PRDM8: variants seen among roughly 807,000 people sequenced by gnomAD.
PRDM8 encodes PR domain zinc finger protein 8.
A neutral mutation model predicts 46.5 loss-of-function variants in PRDM8; 13 were observed. The ratio of observed to expected loss-of-function variants is 0.28; its 90% CI spans 0.18 to 0.44. PRDM8 has a LOEUF of 0.44. Among genes scored for constraint, PRDM8 ranks in the 20% least tolerant of loss-of-function variants. The pLI is 1.00. For synonymous variants in PRDM8, 473 were observed against 438.4 expected, an observed-to-expected ratio of 1.08 and a Z score of -0.98; for missense variants, 998 against 955.0, an observed-to-expected ratio of 1.04 and a Z score of -0.59.
intron 1 of PRDM8, among the ~76,000 whole-genome samples, chr4:80,186,806 C>T (rs550875513): frequency 6.6e-6 from 1 of 152,332 alleles, no homozygotes; most frequent in African/African-American, 2.4e-5. Context: ...GGCCTTTCTT[C>T]TGCTGTCTCT....
chr4:80,189,047 G>T (rs1052087151), intron 1 of PRDM8, among the ~76,000 whole-genome samples: 12 of 152,234 alleles, frequency 7.9e-5, no homozygotes, highest in Admixed American at 4.6e-4. Context: ...CCATCCACCC[G>T]GTCCGCATCT....
chr4:80,190,618 A>T (rs1336790873), intron 1 of PRDM8, among the ~76,000 whole-genome samples: 1 of 152,158 alleles, frequency 6.6e-6, no homozygotes, highest in African/African-American at 2.4e-5. Context: ...GCCAACATTG[A>T]AGTCCGTGAT....
chr4:80,194,194 T>G, upstream of PRDM8: 1 of 982,030 alleles, frequency 1.0e-6, no homozygotes, highest in Non-Finnish European at 1.2e-6. Flanking sequence ...TTCCTACATG[T>G]GTATTTTTGC....
chr4:80,203,669 CCCCCCCAA>C lies in PRDM8; in HGVS notation c.*139_*146del. ...GACACATACATTCACCGCCCCCCCGCCCCCCCAACGCGCACACACACGTCCTCTCCTCC... is the reference window on the plus strand; with the variant it reads ...GACACATACATTCACCGCCCCCCCGCCGCGCACACACACGTCCTCTCCTCC... On this transcript the variant is annotated 3_prime_UTR_variant, in exon 4 of 4. Coordinates refer to ENST00000415738, the MANE Select transcript of PRDM8 (RefSeq NM_001099403.2). 1 of 1,376,496 alleles carries C rather than the reference CCCCCCCAA, an allele frequency of 7.3e-7. No individual in the cohort carries two copies. Among genetic ancestry groups the C allele is most frequent in the Non-Finnish European group, 9.4e-7 (1 of 1,060,144 alleles). The allele number at this position is 1,376,496 out of a possible 1,614,324, so 85.3% of individuals were successfully genotyped here.
upstream of PRDM8, chr4:80,197,184 T>G: frequency 1.0e-6 from 1 of 985,478 alleles, no homozygotes; most frequent in Non-Finnish European, 1.2e-6. Flanking sequence ...AAGTGCCTAG[T>G]GAAACGGGGA....
rs1578257393 is a variant in PRDM8 at position 80,199,014 on chromosome 4, T to G, written c.-2-1065T>G. On this transcript the variant is annotated intron_variant, in intron 1 of 3. Coordinates refer to ENST00000415738, the MANE Select transcript of PRDM8 (RefSeq NM_001099403.2). ...TTTTTGTTTTTTTTTTTTTTTTTTTTTTTTAGTGATAAGTCTTGTATGGGG... is the reference window on the plus strand; with the variant it reads ...TTTTTGTTTTTTTTTTTTTTTTTTTGTTTTAGTGATAAGTCTTGTATGGGG... Among the ~76,000 whole-genome samples, 4 of 133,402 alleles carry G rather than the reference T, an allele frequency of 3.0e-5. 1 individual carries two copies. The allele number at this position is 133,402 out of a possible 152,430, so 87.5% of individuals were successfully genotyped here. A position where few individuals can be genotyped will look rare whatever the true frequency, so the allele number is the denominator to read the frequency against.
chr4:80,203,740 C>G lies in PRDM8; in HGVS notation c.*208C>G, dbSNP rs13110335. 3 of 446,174 alleles carry G rather than the reference C, an allele frequency of 6.7e-6. No homozygotes were observed. Among genetic ancestry groups the G allele is most frequent in the Non-Finnish European group, 1.2e-5 (3 of 257,976 alleles). The allele number at this position is 446,174 out of a possible 1,614,324, so 27.6% of individuals were successfully genotyped here. A position where few individuals can be genotyped will look rare whatever the true frequency, so the allele number is the denominator to read the frequency against. On this transcript the variant is annotated 3_prime_UTR_variant, in exon 4 of 4. Coordinates refer to ENST00000415738, the MANE Select transcript of PRDM8 (RefSeq NM_001099403.2). ...TCAAATATTTACCCGGGACACACACCCCCCCCCACACACACACACAGACAC... is the reference window on the plus strand; with the variant it reads ...TCAAATATTTACCCGGGACACACACGCCCCCCCACACACACACACAGACAC...
chr4:80,200,246 G>T lies in PRDM8; in HGVS notation c.166G>T (p.Ala56Ser). 2 of 1,614,096 alleles carry T rather than the reference G, an allele frequency of 1.2e-6. No homozygotes were observed. Among genetic ancestry groups the T allele is most frequent in the Admixed American group, 1.7e-5 (1 of 60,008 alleles). Residue 56 changes from alanine to serine, a missense_variant, in exon 2 of 4, where the codon GCT becomes TCT. Ala to Ser is a moderately conservative substitution (Grantham distance 99, BLOSUM62 1). Transcript: ENST00000415738. ...LSHTSLYDSI[A>S]FIALKSTDKR... ...CCATACTTCCCTATATGACAGCATA[G>T]CTTTCATAGCTCTCAAGTCTACTGA...
Position 80,202,399 on chromosome 4 carries a change from A to G in PRDM8, c.937A>G (p.Lys313Glu). The change falls in exon 4 of 4, where the codon AAG becomes GAG. Residue 313 changes from lysine to glutamate, a missense_variant. Coordinates refer to ENST00000415738, the MANE Select transcript of PRDM8 (RefSeq NM_001099403.2). ...CATCGCCACGGGCGGCGGCAAAGGA[A>G]AGAGGAAATTCCCGGAGGAGGCGGC... ...DGIATGGGKG[K>E]RKFPEEAAEG... 1.3e-6 allele frequency: 2 copies of G among 1,569,444 alleles called. No individual in the cohort carries two copies. Among genetic ancestry groups the G allele is most frequent in the Non-Finnish European group, 8.6e-7 (1 of 1,158,296 alleles).
At chr4:80,197,364 G>C, upstream of PRDM8, 1 of 969,556 alleles carries the variant, frequency 1.0e-6, no homozygotes, top group Non-Finnish European at 1.2e-6. Context: ...GGGCAGGCCG[G>C]GGGAAAAAGC....
At chr4:80,195,938 G>C (rs1359448025), upstream of PRDM8, 194 of 351,636 alleles carry the variant, frequency 5.5e-4, no homozygotes, top group African/African-American at 4.2e-3. Flanking sequence ...CAGAGAGAGA[G>C]AGAGAGAGAG....
At chr4:80,190,314 ATGTGGCGGGCCCTTGGGAAC>A (rs1289532358) in intron 1 of PRDM8, 1 of 152,246 alleles carries the variant, frequency 6.6e-6, no homozygotes, top group African/African-American at 2.4e-5. Context: ...AACATGGGAA[ATGTGGCGGGCCCTTGGGAAC>A]TGCATTTCCT....
At chr4:80,196,986 C>T (rs1738008341), upstream of PRDM8, 8 of 985,452 alleles carry the variant, frequency 8.1e-6, no homozygotes, top group South Asian at 1.9e-4. Context: ...AGTGTTGGCG[C>T]TCCTGAAGAG....
chr4:80,197,288 G>A, upstream of PRDM8: 1 of 976,450 alleles, frequency 1.0e-6, no homozygotes, highest in South Asian at 4.7e-5. Flanking sequence ...TTTAGGAGGA[G>A]GCGGGCCGGG....
chr4:80,190,789 G>A (rs1737484923), intron 1 of PRDM8, among the ~76,000 whole-genome samples: 1 of 152,170 alleles, frequency 6.6e-6, no homozygotes, highest in South Asian at 2.1e-4. Context: ...GGGGCCTTGA[G>A]GAGGAGCAGC....
At chr4:80,199,709 ATGTGTGTG>A (rs34334135) in intron 1 of PRDM8, among the ~76,000 whole-genome samples, 4 of 132,976 alleles carry the variant, frequency 3.0e-5, no homozygotes, top group Non-Finnish European at 6.4e-5. Context: ...ATATATATAT[ATGTGTGTG>A]TGTGTGTGTG....
Position 80,203,740 on chromosome 4 carries a change from C to CA in PRDM8, c.*208_*209insA. ...TCAAATATTTACCCGGGACACACAC[C>CA]CCCCCCCACACACACACACAGACAC... On this transcript the variant is annotated 3_prime_UTR_variant, in exon 4 of 4. Transcript: ENST00000415738. 4.5e-6 allele frequency: 2 copies of CA among 446,156 alleles called. No homozygotes were observed. The highest frequency in any genetic ancestry group is 7.8e-6 in the Non-Finnish European group (2 of 257,898). 27.6% of individuals were successfully genotyped at this position (446,156 alleles called of 1,614,324 possible).
In PRDM8 at chr4:80,202,591, G is replaced by A. The variant is rs1172275527; in HGVS notation, c.1129G>A (p.Glu377Lys). ...NGRLFAPPSP[E>K]TGEAKRSAFV... is the part of the protein sequence containing the mutation. Reference sequence around the variant, plus strand: ...CCGCCTCTTCGCGCCGCCAAGTCCCGAGACGGGCGAGGCGAAGCGCAGCGC... The same window carrying A: ...CCGCCTCTTCGCGCCGCCAAGTCCCAAGACGGGCGAGGCGAAGCGCAGCGC... The change falls in exon 4 of 4, where the codon GAG becomes AAG. Residue 377 changes from glutamate (E) to lysine (K), a missense_variant. Glu to Lys is a moderately conservative substitution (Grantham distance 56, BLOSUM62 1). Coordinates refer to ENST00000415738, the MANE Select transcript of PRDM8 (RefSeq NM_001099403.2). The A allele has an allele frequency of 6.5e-7, 1 of 1,533,398 alleles. No individual in the cohort carries two copies. Among genetic ancestry groups the A allele is most frequent in the Non-Finnish European group, 8.7e-7 (1 of 1,145,952 alleles). 95.0% of individuals were successfully genotyped at this position (1,533,398 alleles called of 1,614,324 possible).
Position 80,203,690 on chromosome 4 carries a change from C to A in PRDM8, c.*158C>A, listed in dbSNP as rs1389455985. 7.7e-7 allele frequency: 1 copy of A among 1,294,978 alleles called. No homozygotes were observed. Among genetic ancestry groups the A allele is most frequent in the Non-Finnish European group, 1.0e-6 (1 of 986,462 alleles). The allele number at this position is 1,294,978 out of a possible 1,614,324, so 80.2% of individuals were successfully genotyped here. ...CCCGCCCCCCCAACGCGCACACACA[C>A]GTCCTCTCCTCCCAGGAACCTCATT... is the stretch of plus-strand genomic sequence containing the variant. On this transcript the variant is annotated 3_prime_UTR_variant, in exon 4 of 4. Coordinates refer to ENST00000415738, the MANE Select transcript of PRDM8 (RefSeq NM_001099403.2).
Sources: allele counts gnomAD v4.1 joint callset (sites outside exome capture counted in the v4.1 genomes callset), GRCh38; gene constraint gnomAD v4.1.1; transcripts MANE v1.5; gene names NCBI Gene and HGNC (gene_info 2026-07-23, HGNC 2026-07-21).